NCKAP1: variants seen among roughly 807,000 people sequenced by gnomAD.
NCKAP1 encodes NCK associated protein 1, also known as nck-associated protein 1.
In NCKAP1, 21 loss-of-function variants were observed where a neutral mutation model predicts 151.2. That is an observed-to-expected ratio of 0.14 (90% CI 0.10 to 0.20). The LOEUF (loss-of-function observed/expected upper bound fraction) is 0.20, where lower values mean the gene tolerates loss of function less well. NCKAP1 is among the 10% of genes least tolerant of loss of function. The pLI is 1.00. For synonymous variants in NCKAP1, 484 were observed against 451.8 expected (o/e 1.07, Z -0.90); for missense variants, 933 against 1,352.1 (o/e 0.69, Z 4.86).
chr2:182,973,532 A>T (rs1697742769), intron 15 of NCKAP1, among the ~76,000 whole-genome samples: 2 of 152,138 alleles, frequency 1.3e-5, no homozygotes, highest in South Asian at 4.1e-4. Flanking sequence ...CCTATAAAAA[A>T]GCAATGACCT....
intron 4 of NCKAP1, among the ~76,000 whole-genome samples, chr2:183,002,661 TAAGA>T (rs10545262): frequency 0.12 from 17,621 of 151,782 alleles, 1,549 homozygotes; most frequent in African/African-American, 0.25. Flanking sequence ...ATTATCATAC[TAAGA>T]AAGAGTCCAT....
chr2:183,016,332 C>T (rs1440462803), intron 2 of NCKAP1, among the ~76,000 whole-genome samples: 1 of 152,178 alleles, frequency 6.6e-6, no homozygotes, highest in African/African-American at 2.4e-5. Flanking sequence ...CCAAATATAT[C>T]AAAGCAAGGC....
intron 17 of NCKAP1, among the ~76,000 whole-genome samples, 169 bp from the exon 18 acceptor site, chr2:182,962,447 T>A (rs1697475531): frequency 6.6e-6 from 1 of 152,110 alleles, no homozygotes; most frequent in Non-Finnish European, 1.5e-5. Flanking sequence ...CTCACCATAC[T>A]GTATTTGAAC....
Position 182,924,128 on chromosome 2 carries a change from C to T in NCKAP1, c.*1574G>A, listed in dbSNP as rs1696596119. The T allele has an allele frequency of 1.3e-5, 2 of 152,144 alleles. No homozygotes were observed. The highest frequency in any genetic ancestry group is 2.9e-5 in the Non-Finnish European group (2 of 68,020). The allele number at this position is 152,144 out of a possible 1,614,324, so 9.4% of individuals were successfully genotyped here. On this transcript the variant is annotated 3_prime_UTR_variant, in exon 31 of 31. Coordinates refer to ENST00000361354, the MANE Select transcript of NCKAP1 (RefSeq NM_013436.5). ...TCTGAACTATGCCATTTTAAAATTT[C>T]CCTTTTTAAAAAATCTTTATGGAAC...
At chr2:182,981,908 CAAAAAAAAAAAA>C (rs77694869) in intron 12 of NCKAP1, among the ~76,000 whole-genome samples, 2 of 51,886 alleles carry the variant, frequency 3.9e-5, no homozygotes, top group South Asian at 1.4e-3. Flanking sequence ...AACTCCGTCT[CAAAAAAAAAAAA>C]AAAAAAAAAA....
At chr2:183,001,054 C>G (rs1698364955) in intron 6 of NCKAP1, among the ~76,000 whole-genome samples, 1 of 152,354 alleles carries the variant, frequency 6.6e-6, no homozygotes, top group South Asian at 2.1e-4. Context: ...GATTGCACCA[C>G]TGCATTCCGG....
At chr2:182,937,820 G>C (rs959345418) in intron 24 of NCKAP1, among the ~76,000 whole-genome samples, 3 of 152,166 alleles carry the variant, frequency 2.0e-5, no homozygotes, top group African/African-American at 7.2e-5. Context: ...GTTTTCCAGT[G>C]TGAGTCAATG....
At chr2:182,994,706 G>A in intron 8 of NCKAP1, 133 bp downstream of exon 8, 1 of 690,712 alleles carries the variant, frequency 1.4e-6, no homozygotes, top group Non-Finnish European at 2.5e-6. Flanking sequence ...ATCAATATGA[G>A]GACTGAAAGA....
At chr2:182,958,851 G>A (rs978289469) in intron 18 of NCKAP1, among the ~76,000 whole-genome samples, 1 of 152,212 alleles carries the variant, frequency 6.6e-6, no homozygotes, top group Non-Finnish European at 1.5e-5. Context: ...GTAGCCACAT[G>A]TGAAATGTGC....
intron 2 of NCKAP1, among the ~76,000 whole-genome samples, chr2:183,008,807 C>T (rs1698531653): frequency 6.6e-6 from 1 of 152,136 alleles, no homozygotes; most frequent in Non-Finnish European, 1.5e-5. Context: ...GGGTAAAATA[C>T]TTCACATTAT....
At chr2:182,941,705 A>G (rs990119410) in intron 24 of NCKAP1, among the ~76,000 whole-genome samples, 3 of 152,210 alleles carry the variant, frequency 2.0e-5, no homozygotes, top group Admixed American at 1.3e-4. Flanking sequence ...ATTGTATGTA[A>G]CTTATACGTA....
intron 24 of NCKAP1, among the ~76,000 whole-genome samples, chr2:182,940,295 TAAC>T (rs767805153): frequency 6.6e-6 from 1 of 151,204 alleles, no homozygotes; most frequent in Non-Finnish European, 1.5e-5. Flanking sequence ...CAATGTACAA[TAAC>T]AAAAGAAAGA....
At position 182,925,200 on chromosome 2, in the gene NCKAP1, T is replaced by C. The variant is rs928873751; in HGVS notation, c.*502A>G. On this transcript the variant is annotated 3_prime_UTR_variant, in exon 31 of 31. Coordinates refer to ENST00000361354, the MANE Select transcript of NCKAP1 (RefSeq NM_013436.5). Reference sequence around the variant, plus strand: ...TTTTAAATGTTATACAGTGTTACAGTATTTAGTTTGGCAAATGTTTCAAAA... The same window carrying C: ...TTTTAAATGTTATACAGTGTTACAGCATTTAGTTTGGCAAATGTTTCAAAA... The C allele has an allele frequency of 6.6e-6, 1 of 152,206 alleles. No homozygotes were observed. Among genetic ancestry groups the C allele is most frequent in the Non-Finnish European group, 1.5e-5 (1 of 68,022 alleles). The allele number at this position is 152,206 out of a possible 1,614,324, so 9.4% of individuals were successfully genotyped here. A position where few individuals can be genotyped will look rare whatever the true frequency, so the allele number is the denominator to read the frequency against.
chr2:183,015,663 A>G (rs1698670076), intron 2 of NCKAP1, among the ~76,000 whole-genome samples: 1 of 152,040 alleles, frequency 6.6e-6, no homozygotes, highest in Non-Finnish European at 1.5e-5. Flanking sequence ...AAGGCTAAAT[A>G]TATTATTCAT....
intron 2 of NCKAP1, among the ~76,000 whole-genome samples, chr2:183,006,811 C>T (rs942531260): frequency 6.6e-6 from 1 of 152,108 alleles, no homozygotes; most frequent in African/African-American, 2.4e-5. Context: ...TGATGTTATA[C>T]AACAGAACAT....
rs1461468178 is a variant in NCKAP1 at position 182,999,960 on chromosome 2, C to T, written c.603+1993G>A. 2.6e-5 allele frequency among the ~76,000 whole-genome samples: 4 copies of T among 152,120 alleles called. No individual in the cohort carries two copies. The South Asian group carries it at 8.3e-4, about 31-fold the overall frequency. ...AAGGGGAAGCTAAGCATTGGGTACA[C>T]ATGGACACAAAGAAACAACAGACAC... On this transcript the variant is annotated intron_variant, in intron 6 of 30. Coordinates refer to ENST00000361354, the MANE Select transcript of NCKAP1 (RefSeq NM_013436.5).
At chr2:182,956,382 T>C in intron 20 of NCKAP1, 80 bp downstream of exon 20, 1 of 1,509,732 alleles carries the variant, frequency 6.6e-7, no homozygotes, top group Non-Finnish European at 9.0e-7. Flanking sequence ...ACTAATGCTT[T>C]TCCTTATAAA....
chr2:182,953,926 G>T (rs991873231), intron 20 of NCKAP1, among the ~76,000 whole-genome samples: 2 of 152,228 alleles, frequency 1.3e-5, no homozygotes, highest in Non-Finnish European at 2.9e-5. Flanking sequence ...CTTTAACATG[G>T]TAAGTTGTTT....
chr2:183,025,395 CTT>C (rs1480165118), intron 1 of NCKAP1, among the ~76,000 whole-genome samples: 3 of 152,102 alleles, frequency 2.0e-5, no homozygotes, highest in African/African-American at 4.8e-5. Flanking sequence ...TATTGGATGA[CTT>C]TTGTATTTCA....
Sources: gnomAD v4.1 joint callset for allele counts (sites outside exome capture counted in the v4.1 genomes callset) on GRCh38, gnomAD v4.1.1 for gene constraint, MANE v1.5 for transcripts, NCBI Gene and HGNC (gene_info 2026-07-23, HGNC 2026-07-21) for gene names.